ZNF280D: variants seen among roughly 807,000 people sequenced by gnomAD.
ZNF280D encodes zinc finger protein 280D.
ZNF280D carries 39 observed loss-of-function variants against 94.7 expected under a neutral mutation model. The observed-to-expected ratio is 0.41, with a 90% CI of 0.32 to 0.54. The LOEUF is 0.54. ZNF280D is among the 20% of genes least tolerant of loss of function. The pLI, the probability that ZNF280D is intolerant of heterozygous loss-of-function variation, is 0.22. For missense variants in ZNF280D, 1,090 were observed against 1,149.3 expected (o/e 0.95, Z 0.75); for synonymous variants, 398 against 377.6 (o/e 1.05, Z -0.63).
chr15:56,649,079 A>G (rs1489006512), intron 19 of ZNF280D, among the ~76,000 whole-genome samples: 1 of 152,184 alleles, frequency 6.6e-6, no homozygotes, highest in South Asian at 2.1e-4. Context: ...AAAAAAGACC[A>G]AAATATTCAT....
chr15:56,731,506 C>CAAAAAAAAAA (rs752976383), intron 1 of ZNF280D, among the ~76,000 whole-genome samples: 2 of 80,862 alleles, frequency 2.5e-5, no homozygotes, highest in Admixed American at 1.7e-4. Flanking sequence ...GTACCTATCT[C>CAAAAAAAAAA]AAAAAAAAAA....
intron 16 of ZNF280D, among the ~76,000 whole-genome samples, chr15:56,663,007 GCAGAGGGGGTGCTCAGCTA>G (rs1285841285): frequency 6.6e-6 from 1 of 151,732 alleles, no homozygotes; most frequent in African/African-American, 2.4e-5. Context: ...GGGGCCAGGT[GCAGAGGGGGTGCTCAGCTA>G]TAATCATTGC....
Position 56,632,484 on chromosome 15 carries a change from TA to T in ZNF280D, c.2316-363del, listed in dbSNP as rs1442258081. Among the ~76,000 whole-genome samples, 3 of 146,632 alleles carry T rather than the reference TA, an allele frequency of 2.0e-5. No homozygotes were observed. In the South Asian group the frequency reaches 6.5e-4, roughly 32 times the overall value. ...AAAAATATATTTGGAAAAAAATCTA[TA>T]TTTTTTTATGATTTTTTTTTTTTTT... On this transcript the variant is annotated intron_variant, in intron 21 of 21. Transcript: ENST00000267807.
At chr15:56,690,465 G>C (rs1314239076) in intron 7 of ZNF280D, among the ~76,000 whole-genome samples, 1 of 152,124 alleles carries the variant, frequency 6.6e-6, no homozygotes, top group Admixed American at 6.5e-5. Flanking sequence ...TAAGTATAAT[G>C]ATTTTCACAC....
chr15:56,689,026 T>C lies in ZNF280D; in HGVS notation c.780+15A>G, dbSNP rs138164223. On this transcript the variant is annotated intron_variant, in intron 9 of 21. Transcript: ENST00000267807. ...GTGCAAACTTTTTACAAATTAAATT[T>C]TGAAAGAGTTTTACCTTCATGTGAT... 5.0e-5 allele frequency: 78 copies of C among 1,552,126 alleles called. 1 individual carries two copies. In the Middle Eastern group the frequency reaches 5.2e-4, roughly 10 times the overall value.
At chr15:56,633,032 C>T (rs1266085878) in intron 21 of ZNF280D, among the ~76,000 whole-genome samples, 1 of 151,956 alleles carries the variant, frequency 6.6e-6, no homozygotes, top group Non-Finnish European at 1.5e-5. Context: ...CAGAAACTAT[C>T]TAGTGAATCA....
intron 14 of ZNF280D, among the ~76,000 whole-genome samples, chr15:56,668,526 TAC>T (rs2054453794): frequency 6.6e-6 from 1 of 152,078 alleles, no homozygotes; most frequent in Non-Finnish European, 1.5e-5. Context: ...AGTCAACATA[TAC>T]ACTTTCAACT....
chr15:56,633,912 A>T (rs1273382601), intron 21 of ZNF280D: 1 of 152,184 alleles, frequency 6.6e-6, no homozygotes, highest in Non-Finnish European at 1.5e-5. Flanking sequence ...TGTTTATTAA[A>T]TTCATAATTT....
In ZNF280D at chr15:56,666,702, G is replaced by T; in HGVS notation, c.1830C>A (p.Val610=). The T allele has an allele frequency of 1.2e-6, 2 of 1,609,312 alleles. No homozygotes were observed. Among genetic ancestry groups the T allele is most frequent in the South Asian group, 2.2e-5 (2 of 90,128 alleles). The part of the protein sequence containing the change: ...TLASSNKKSK[V]NTALRNLRYR... ...ACCTTAAATTCCTCAATGCTGTATT[G>T]ACTTTACTTTTTTTATTGCTACTAG... The change falls in exon 15 of 22, where the codon GTC becomes GTA. Residue 610 remains valine (V), a synonymous_variant. Coordinates refer to ENST00000267807, the MANE Select transcript of ZNF280D (RefSeq NM_017661.4).
chr15:56,704,390 T>C, intron 3 of ZNF280D, 123 bp from the exon 4 acceptor site: 3 of 942,812 alleles, frequency 3.2e-6, no homozygotes, highest in South Asian at 1.6e-5. Flanking sequence ...TCTGAATTGA[T>C]ATTTGTAGTC....
At chr15:56,665,925 C>G (rs1040879446) in intron 16 of ZNF280D, among the ~76,000 whole-genome samples, 1 of 152,136 alleles carries the variant, frequency 6.6e-6, no homozygotes, top group Admixed American at 6.6e-5. Flanking sequence ...CACTTGAGGT[C>G]AGCAGTTTGA....
intron 17 of ZNF280D, among the ~76,000 whole-genome samples, chr15:56,658,209 A>G (rs2053676800): frequency 6.6e-6 from 1 of 152,196 alleles, no homozygotes; most frequent in South Asian, 2.1e-4. Context: ...AGAAATGGGA[A>G]TGACCACTAA....
chr15:56,719,381 T>A (rs1189015721), intron 1 of ZNF280D, among the ~76,000 whole-genome samples: 1 of 150,918 alleles, frequency 6.6e-6, no homozygotes, highest in African/African-American at 2.4e-5. Context: ...GGCACCTCCC[T>A]CCTCTTTCGC....
chr15:56,728,520 CAAAGGTTTCAAA>C (rs1412620076), intron 1 of ZNF280D, among the ~76,000 whole-genome samples: 1 of 152,154 alleles, frequency 6.6e-6, no homozygotes, highest in Admixed American at 6.5e-5. Flanking sequence ...TATGAACCAT[CAAAGGTTTCAAA>C]AATTCTTCCA....
chr15:56,728,409 T>C (rs1179964413), intron 1 of ZNF280D, among the ~76,000 whole-genome samples: 2 of 152,182 alleles, frequency 1.3e-5, no homozygotes, highest in Non-Finnish European at 2.9e-5. Context: ...TTTTAAAAAA[T>C]TCATTGGATT....
At chr15:56,685,240 G>A (rs1282251494) in intron 9 of ZNF280D, among the ~76,000 whole-genome samples, 3 of 152,032 alleles carry the variant, frequency 2.0e-5, no homozygotes, top group Non-Finnish European at 2.9e-5. Flanking sequence ...ATGAACTTCA[G>A]CCAAACAGAA....
At chr15:56,715,942 A>C (rs1220898016) in intron 1 of ZNF280D, among the ~76,000 whole-genome samples, 1 of 152,160 alleles carries the variant, frequency 6.6e-6, no homozygotes, top group Non-Finnish European at 1.5e-5. Context: ...AAAAATATAT[A>C]ACAACTATTT....
chr15:56,669,284 C>G (rs145475408), intron 13 of ZNF280D, among the ~76,000 whole-genome samples: 3 of 151,918 alleles, frequency 2.0e-5, no homozygotes, highest in Non-Finnish European at 4.4e-5. Flanking sequence ...AGATGTACTA[C>G]GTTTTTATCC....
chr15:56,714,170 TGTTACTGTTAAAAACCA>T (rs1353540004), intron 1 of ZNF280D, among the ~76,000 whole-genome samples: 2 of 152,198 alleles, frequency 1.3e-5, no homozygotes, highest in African/African-American at 4.8e-5. Context: ...TCAGTCCAGT[TGTTACTGTTAAAAACCA>T]GTCTTACTCT....
Sources: allele counts gnomAD v4.1 joint callset (sites outside exome capture counted in the v4.1 genomes callset), GRCh38; gene constraint gnomAD v4.1.1; transcripts MANE v1.5; gene names NCBI Gene and HGNC (gene_info 2026-07-23, HGNC 2026-07-21).